Variants in B3GALT1 observed in about 807,000 individuals in gnomAD.
B3GALT1 encodes UDP-Gal:betaGlcNAc beta 1,3-galactosyltransferase, polypeptide 1.
A neutral mutation model predicts 23.2 loss-of-function variants in B3GALT1; 10 were observed. The observed-to-expected ratio is 0.43, with a 90% CI of 0.27 to 0.73. The LOEUF is 0.73. Among genes scored for constraint, B3GALT1 ranks in the 30% least tolerant of loss-of-function variants. B3GALT1 has a pLI of 0.21. For missense variants in B3GALT1, 299 were observed against 405.4 expected, an observed-to-expected ratio of 0.74 and a Z score of 2.25; for synonymous variants, 156 against 141.5, an observed-to-expected ratio of 1.10 and a Z score of -0.73.
intron 2 of B3GALT1, among the ~76,000 whole-genome samples, chr2:167,645,343 A>G (rs1685730059): frequency 6.6e-6 from 1 of 152,136 alleles, no homozygotes; most frequent in Non-Finnish European, 1.5e-5. Flanking sequence ...CTTCTCCAAA[A>G]AGTCATTAAT....
chr2:167,512,715 C>T (rs930540900), intron 2 of B3GALT1, among the ~76,000 whole-genome samples: 2 of 146,376 alleles, frequency 1.4e-5, no homozygotes, highest in African/African-American at 5.0e-5. Context: ...TGGCTCACTG[C>T]AACCTACAGC....
At chr2:167,787,304 G>A (rs1310951918) in intron 3 of B3GALT1, among the ~76,000 whole-genome samples, 2 of 152,202 alleles carry the variant, frequency 1.3e-5, no homozygotes, top group African/African-American at 4.8e-5. Context: ...TTTATATCAG[G>A]AAGTTTATGT....
chr2:167,675,458 C>T (rs974473717), intron 3 of B3GALT1, among the ~76,000 whole-genome samples: 5 of 152,132 alleles, frequency 3.3e-5, no homozygotes, highest in African/African-American at 7.2e-5. Flanking sequence ...ATAAATGCCT[C>T]GGAGCAGGAC....
chr2:167,750,345 C>T (rs1000220227), intron 3 of B3GALT1, among the ~76,000 whole-genome samples: 2 of 152,134 alleles, frequency 1.3e-5, no homozygotes, highest in East Asian at 1.9e-4. Context: ...AAAACACTCA[C>T]GAAGGAGTGG....
At chr2:167,356,863 G>A (rs891289287) in intron 1 of B3GALT1, among the ~76,000 whole-genome samples, 9 of 151,910 alleles carry the variant, frequency 5.9e-5, no homozygotes, top group East Asian at 3.8e-4. Context: ...AGCGTCATTA[G>A]TGTGGCTTCT....
intron 2 of B3GALT1, among the ~76,000 whole-genome samples, chr2:167,588,826 CTTCCTTCCTTCCTTCCTTCT>C (rs1386994544): frequency 0.045 from 6,420 of 141,280 alleles, 412 homozygotes; most frequent in East Asian, 0.17. Flanking sequence ...TTTTTCCTTC[CTTCCTTCCTTCCTTCCTTCT>C]TTCCTTCCTT....
intron 3 of B3GALT1, among the ~76,000 whole-genome samples, chr2:167,781,935 G>A (rs1247183156): frequency 6.6e-6 from 1 of 152,098 alleles, no homozygotes; most frequent in Non-Finnish European, 1.5e-5. Flanking sequence ...TAGAAACGGG[G>A]TTTCACCATG....
intron 2 of B3GALT1, among the ~76,000 whole-genome samples, chr2:167,630,915 A>T (rs1314881064): frequency 6.7e-6 from 1 of 150,258 alleles, no homozygotes; most frequent in African/African-American, 2.4e-5. Flanking sequence ...TCTCTCCTTC[A>T]TTCCTGCCTT....
intron 3 of B3GALT1, among the ~76,000 whole-genome samples, chr2:167,809,390 C>G (rs1441428861): frequency 6.6e-6 from 1 of 152,164 alleles, no homozygotes; most frequent in Non-Finnish European, 1.5e-5. Flanking sequence ...TTTTTCTGCT[C>G]TGTTTTTTCC....
intron 1 of B3GALT1, among the ~76,000 whole-genome samples, chr2:167,352,000 A>G (rs1298402981): frequency 2.1e-5 from 3 of 143,030 alleles, no homozygotes; most frequent in Non-Finnish European, 4.4e-5. Flanking sequence ...TTGCTCTGTC[A>G]CCAGGCTGGA....
intron 3 of B3GALT1, among the ~76,000 whole-genome samples, chr2:167,652,068 A>G (rs1685879344): frequency 6.6e-6 from 1 of 152,182 alleles, no homozygotes. Flanking sequence ...AGGGGTTAAC[A>G]AGGAAAGCAG....
intron 3 of B3GALT1, among the ~76,000 whole-genome samples, chr2:167,686,548 A>G (rs1054071668): frequency 6.6e-6 from 1 of 152,146 alleles, no homozygotes; most frequent in African/African-American, 2.4e-5. Flanking sequence ...TCTCCTTGCT[A>G]TATTGTTACT....
chr2:167,329,504 TGTTTAATCTA>T (rs1299024655), intron 1 of B3GALT1, among the ~76,000 whole-genome samples: 1 of 152,218 alleles, frequency 6.6e-6, no homozygotes, highest in Non-Finnish European at 1.5e-5. Flanking sequence ...CTGTTAGTTC[TGTTTAATCTA>T]AAGTCCAGTT....
At chr2:167,484,844 G>T (rs112713796) in intron 1 of B3GALT1, among the ~76,000 whole-genome samples, 24 of 152,282 alleles carry the variant, frequency 1.6e-4, no homozygotes, top group African/African-American at 5.5e-4. Flanking sequence ...CAACTTTGCC[G>T]TGGCCATTTC....
At chr2:167,853,299 C>G (rs1286521444) in intron 4 of B3GALT1, among the ~76,000 whole-genome samples, 1 of 152,120 alleles carries the variant, frequency 6.6e-6, no homozygotes. Context: ...TGCAAATGTT[C>G]TTAACTTAGC....
At chr2:167,626,761 T>C (rs552383510) in intron 2 of B3GALT1, among the ~76,000 whole-genome samples, 3 of 151,952 alleles carry the variant, frequency 2.0e-5, no homozygotes, top group Non-Finnish European at 4.4e-5. Context: ...TTCTGTAAGA[T>C]GCTAATAGGA....
chr2:167,523,456 G>C (rs1158382670), intron 2 of B3GALT1, among the ~76,000 whole-genome samples: 1 of 137,864 alleles, frequency 7.3e-6, no homozygotes, highest in Non-Finnish European at 1.6e-5. Flanking sequence ...CGGAGTTTTT[G>C]CTCCTGTCAC....
intron 3 of B3GALT1, among the ~76,000 whole-genome samples, chr2:167,666,369 A>C (rs1468854996): frequency 6.6e-6 from 1 of 152,152 alleles, no homozygotes; most frequent in Non-Finnish European, 1.5e-5. Context: ...TTTACTTCCA[A>C]CTATGTGGTC....
chr2:167,548,731 T>C (rs1558900916), intron 2 of B3GALT1, among the ~76,000 whole-genome samples: 1 of 151,936 alleles, frequency 6.6e-6, no homozygotes, highest in Non-Finnish European at 1.5e-5. Flanking sequence ...TGTGTGTCTA[T>C]GTATGAAATA....
Sources: gnomAD v4.1 joint callset for allele counts (sites outside exome capture counted in the v4.1 genomes callset) on GRCh38, gnomAD v4.1.1 for gene constraint, MANE v1.5 for transcripts, NCBI Gene and HGNC (gene_info 2026-07-23, HGNC 2026-07-21) for gene names.